FKBP11: variants seen among roughly 807,000 people sequenced by gnomAD.
The protein encoded by FKBP11 is peptidyl-prolyl cis-trans isomerase FKBP11.
Under a neutral mutation model 24.7 loss-of-function variants are expected in FKBP11, and 21 were observed. That is an observed-to-expected ratio of 0.85 (90% CI 0.60 to 1.23). FKBP11 has a LOEUF of 1.23. Among genes scored for constraint, FKBP11 ranks in the 50% most tolerant of loss-of-function variants. The pLI is 0.00. For synonymous variants in FKBP11, 106 were observed against 100.6 expected (o/e 1.05, Z -0.32); for missense variants, 245 against 248.7 (o/e 0.99, Z 0.10).
At chr12:48,927,670 G>A (rs950481959), upstream of FKBP11, among the ~76,000 whole-genome samples, 10 of 152,118 alleles carry the variant, frequency 6.6e-5, no homozygotes, top group Admixed American at 2.0e-4. Flanking sequence ...ACTAGAAAGC[G>A]TCCTTCTGTG....
chr12:48,938,829 G>A, the FKBP11 span: 1 of 1,344,890 alleles, frequency 7.4e-7, no homozygotes, highest in Admixed American at 2.4e-5. Context: ...CTGGGCATGT[G>A]GACATGATAC....
At chr12:48,937,653 A>G in the FKBP11 span, 1 of 152,370 alleles carries the variant, frequency 6.6e-6, no homozygotes, top group Non-Finnish European at 1.5e-5. Context: ...GAGGGCCTGG[A>G]AACAATAGAA....
In FKBP11 at chr12:48,924,658, G is replaced by A; in HGVS notation, c.196-10C>T. On this transcript the variant is annotated splice_polypyrimidine_tract_variant and intron_variant, in intron 2 of 5. Transcript: ENST00000550765. ...CATCTACCAAGCTTCCCTGGGGGGA[G>A]AGAGCATCAAGAGCATACATCTAGC... 1 of 1,612,838 alleles carries A rather than the reference G, an allele frequency of 6.2e-7. No homozygotes were observed. The highest frequency in any genetic ancestry group is 8.5e-7 in the Non-Finnish European group (1 of 1,178,968).
Position 48,924,594 on chromosome 12 carries a change from C to G in FKBP11, c.250G>C (p.Val84Leu). 1 of 1,614,052 alleles carries G rather than the reference C, an allele frequency of 6.2e-7. No homozygotes were observed. The highest frequency in any genetic ancestry group is 8.5e-7 in the Non-Finnish European group (1 of 1,179,992). The change falls in exon 3 of 6, where the codon GTT becomes CTT. Residue 84 changes from valine (V) to leucine (L), a missense_variant. Physicochemically the swap from Val to Leu is conservative, Grantham distance 32. Transcript: ENST00000550765. ...ACCTGCTTTTGGCCAAGTTCTATAA[C>G]CAGAGGGTCTCTGGTCAGGGAGGTG... is the stretch of plus-strand genomic sequence containing the variant. ...IDTSLTRDPL[V>L]IELGQKQVIP...
the FKBP11 span, among the ~76,000 whole-genome samples, chr12:48,934,256 G>A: frequency 4.6e-5 from 7 of 152,168 alleles, no homozygotes; most frequent in Non-Finnish European, 1.0e-4. Context: ...CAATGAAGGG[G>A]AGGGTTTTGC....
chr12:48,927,932 GA>G (rs371090821), upstream of FKBP11, among the ~76,000 whole-genome samples: 172 of 144,722 alleles, frequency 1.2e-3, no homozygotes, highest in African/African-American at 3.5e-3. Flanking sequence ...CTTTGTGGGG[GA>G]AAAAAAAAAG....
At chr12:48,936,479 A>G in the FKBP11 span, 1 of 152,596 alleles carries the variant, frequency 6.6e-6, no homozygotes, top group African/African-American at 2.4e-5. Flanking sequence ...GAAACACCCA[A>G]TCCCAAAAGA....
At chr12:48,928,979 C>A (rs541628428), upstream of FKBP11, among the ~76,000 whole-genome samples, 1 of 149,012 alleles carries the variant, frequency 6.7e-6, no homozygotes, top group Admixed American at 6.7e-5. Context: ...CCCGCCATCA[C>A]GCCCAGCTAA....
chr12:48,928,818 CTTTTTTTTTTT>C (rs1196484675), upstream of FKBP11, among the ~76,000 whole-genome samples: 1 of 94,234 alleles, frequency 1.1e-5, no homozygotes. Context: ...AAACTTCTAT[CTTTTTTTTTTT>C]TTTTTTTTTT....
chr12:48,931,823 G>C, the FKBP11 span: 1 of 208,176 alleles, frequency 4.8e-6, no homozygotes. Context: ...TAAAGTAAAA[G>C]CCTGAGTTGG....
At position 48,923,942 on chromosome 12, in the gene FKBP11, G is replaced by T. The variant is rs532118696; in HGVS notation, c.318-90C>A. The stretch of plus-strand genomic sequence containing the variant: ...TGAAGCTCCTTCAGCAAAACCCCCT[G>T]AATCTTCACACCCAAAACACGAATT... On this transcript the variant is annotated intron_variant, in intron 4 of 5. Coordinates refer to ENST00000550765, the MANE Select transcript of FKBP11 (RefSeq NM_016594.3). 3.1e-6 allele frequency: 4 copies of T among 1,311,410 alleles called. No homozygotes were observed. In the South Asian group the frequency reaches 3.5e-5, roughly 12 times the overall value. 81.2% of individuals were successfully genotyped at this position (1,311,410 alleles called of 1,614,324 possible). A position where few individuals can be genotyped will look rare whatever the true frequency, so the allele number is the denominator to read the frequency against.
In FKBP11 at chr12:48,924,269, G is replaced by T; in HGVS notation, c.284-13C>A. On this transcript the variant is annotated splice_polypyrimidine_tract_variant and intron_variant, in intron 3 of 5. Coordinates refer to ENST00000550765, the MANE Select transcript of FKBP11 (RefSeq NM_016594.3). ...CTCTGCTCCAGACCTTGAAGAAGAAGACACAACTGAACTGGAAGCTATCCA... is the reference window on the plus strand; with the variant it reads ...CTCTGCTCCAGACCTTGAAGAAGAATACACAACTGAACTGGAAGCTATCCA... The T allele has an allele frequency of 6.2e-7, 1 of 1,614,136 alleles. No homozygotes were observed. The highest frequency in any genetic ancestry group is 8.5e-7 in the Non-Finnish European group (1 of 1,180,008).
At position 48,922,110 on chromosome 12, in the gene FKBP11, T is replaced by A. The variant is rs1437980544; in HGVS notation, c.480A>T (p.Val160=). The A allele has an allele frequency of 4.3e-6, 7 of 1,614,074 alleles. No individual in the cohort carries two copies. The highest frequency in any genetic ancestry group is 1.6e-4 in the Middle Eastern group (1 of 6,076). ...GGAGGGCTGGCACCATGGCCATCCC[T>A]ACCAGAGGCAAAATGCCCTTCACCA... ...LKLVKGILPL[V]GMAMVPALLG... Residue 160 remains valine (V), a synonymous_variant, in exon 6 of 6, where the codon GTA becomes GTT. Coordinates refer to ENST00000550765, the MANE Select transcript of FKBP11 (RefSeq NM_016594.3).
the FKBP11 span, among the ~76,000 whole-genome samples, chr12:48,932,190 AAACATATAATTGTATATATATC>A: frequency 5.9e-4 from 81 of 137,456 alleles, 1 homozygote; most frequent in Non-Finnish European, 1.6e-4. Flanking sequence ...TATATAATAT[AAACATATAATTGTATATATATC>A]ATATAAACAT....
the FKBP11 span, chr12:48,938,099 G>A: frequency 6.5e-6 from 2 of 305,924 alleles, no homozygotes; most frequent in East Asian, 8.0e-5. Context: ...AAGAGTGAGT[G>A]GGTTCCTCTC....
At chr12:48,924,910 C>T in intron 2 of FKBP11, 136 bp downstream of exon 2, 1 of 1,440,054 alleles carries the variant, frequency 6.9e-7, no homozygotes. Context: ...TCTCTCCCCT[C>T]GCCACGTGCT....
At chr12:48,932,247 ATATATATATATATATTTTTTTTTT>A in the FKBP11 span, among the ~76,000 whole-genome samples, 1 of 36,166 alleles carries the variant, frequency 2.8e-5, no homozygotes, top group South Asian at 1.3e-3. Context: ...ATATATATAT[ATATATATATATATATTTTTTTTTT>A]TTTTTTTTTT....
At position 48,922,145 on chromosome 12, in the gene FKBP11, A is replaced by G; in HGVS notation, c.445T>C (p.Trp149Arg). ...ELIALIRANYWLKLVKGILPL... is the reference protein window; with the variant it reads ...ELIALIRANYRLKLVKGILPL... ...AAAATGCCCTTCACCAGCTTTAGCCAGTAGTTGGCTCGGATTAGTGCAATC... is the reference window on the plus strand; with the variant it reads ...AAAATGCCCTTCACCAGCTTTAGCCGGTAGTTGGCTCGGATTAGTGCAATC... Residue 149 changes from tryptophan (W) to arginine (R), a missense_variant, in exon 6 of 6, where the codon TGG (tryptophan) becomes CGG (arginine). Transcript: ENST00000550765. 6.2e-7 allele frequency: 1 copy of G among 1,614,176 alleles called. No homozygotes were observed. The highest frequency in any genetic ancestry group is 8.5e-7 in the Non-Finnish European group (1 of 1,180,030).
chr12:48,925,572 C>T, upstream of FKBP11: 1 of 1,054,952 alleles, frequency 9.5e-7, no homozygotes, highest in Non-Finnish European at 1.3e-6. Context: ...TGCAGCCCTT[C>T]CTCCACCTTG....
Sources: gnomAD v4.1 joint callset for allele counts (sites outside exome capture counted in the v4.1 genomes callset) on GRCh38, gnomAD v4.1.1 for gene constraint, MANE v1.5 for transcripts, NCBI Gene and HGNC (gene_info 2026-07-23, HGNC 2026-07-21) for gene names.